Variants in PPP3CC observed in about 807,000 individuals in gnomAD.
PPP3CC encodes serine/threonine-protein phosphatase 2B catalytic subunit gamma isoform.
In PPP3CC, 35 loss-of-function variants were observed where a neutral mutation model predicts 60.3. That is an observed-to-expected ratio of 0.58 (90% CI 0.44 to 0.77). The LOEUF (loss-of-function observed/expected upper bound fraction) is 0.77, where lower values mean the gene tolerates loss of function less well. Among genes scored for constraint, PPP3CC ranks in the 30% least tolerant of loss-of-function variants. The pLI is 0.00. For missense variants in PPP3CC, 570 were observed against 628.9 expected (o/e 0.91, Z 1.00); for synonymous variants, 206 against 224.3 (o/e 0.92, Z 0.73).
chr8:22,493,631 A>T (rs1321446705), intron 3 of PPP3CC, among the ~76,000 whole-genome samples: 1 of 152,130 alleles, frequency 6.6e-6, no homozygotes, highest in Non-Finnish European at 1.5e-5. Flanking sequence ...GGTCAGGATC[A>T]TCAATATCAC....
chr8:22,528,882 A>G (rs1284001574), intron 10 of PPP3CC, among the ~76,000 whole-genome samples: 1 of 152,162 alleles, frequency 6.6e-6, no homozygotes, highest in African/African-American at 2.4e-5. Flanking sequence ...ACTAGTTTCT[A>G]ATGGATCTGT....
chr8:22,502,520 T>A (rs1838792120), intron 4 of PPP3CC, among the ~76,000 whole-genome samples: 1 of 152,072 alleles, frequency 6.6e-6, no homozygotes, highest in South Asian at 2.1e-4. Context: ...AGACTCTCTC[T>A]CTACAAAAAA....
intron 1 of PPP3CC, among the ~76,000 whole-genome samples, chr8:22,458,057 C>T (rs1443678406): frequency 6.6e-6 from 1 of 151,850 alleles, no homozygotes; most frequent in African/African-American, 2.4e-5. Context: ...TGCCATTGCA[C>T]TCCAGCCTGG....
At chr8:22,497,583 C>T (rs1838629080) in intron 3 of PPP3CC, among the ~76,000 whole-genome samples, 1 of 152,160 alleles carries the variant, frequency 6.6e-6, no homozygotes, top group African/African-American at 2.4e-5. Context: ...TTTATTTTTT[C>T]TTTACCCATT....
chr8:22,486,789 G>T (rs1165286213), intron 3 of PPP3CC, among the ~76,000 whole-genome samples: 1 of 151,240 alleles, frequency 6.6e-6, no homozygotes, highest in African/African-American at 2.4e-5. Context: ...GAGTACAGTG[G>T]CACCATCTCG....
At chr8:22,525,914 C>T (rs1839549604) in intron 8 of PPP3CC, among the ~76,000 whole-genome samples, 1 of 149,164 alleles carries the variant, frequency 6.7e-6, no homozygotes, top group African/African-American at 2.5e-5. Flanking sequence ...GTTGCCCAGG[C>T]TGGAGTGCAG....
intron 9 of PPP3CC, 67 bp downstream of exon 9, chr8:22,527,584 G>A: frequency 1.3e-6 from 2 of 1,519,870 alleles, no homozygotes; most frequent in Middle Eastern, 1.7e-4. Context: ...ATTTGCATGA[G>A]CCCCTCCATG....
rs117880026 is a variant in PPP3CC, at chr8:22,539,766, C to T, written c.1351+268C>T. Among the ~76,000 whole-genome samples the T allele has an allele frequency of 4.3e-4, 66 of 152,288 alleles. 2 individuals carry two copies. In the East Asian group the frequency reaches 0.012, roughly 28 times the overall value. On this transcript the variant is annotated intron_variant, in intron 13 of 13. Coordinates refer to ENST00000240139, the MANE Select transcript of PPP3CC (RefSeq NM_005605.5). ...AACGGCAGAAGCTTAAGCAACTGGT[C>T]ATGAGAGGTCAAGTGGTTTACTTCT... is the stretch of plus-strand genomic sequence containing the variant.
chr8:22,512,488 C>T (rs1839115810), intron 5 of PPP3CC, among the ~76,000 whole-genome samples: 1 of 152,140 alleles, frequency 6.6e-6, no homozygotes, highest in Non-Finnish European at 1.5e-5. Context: ...AATACCTCAA[C>T]TGCATAGACT....
chr8:22,502,120 T>C (rs1413496344), intron 4 of PPP3CC, among the ~76,000 whole-genome samples: 1 of 152,150 alleles, frequency 6.6e-6, no homozygotes, highest in Non-Finnish European at 1.5e-5. Context: ...GACAAAATAA[T>C]GGGAGTCTCA....
At chr8:22,495,050 G>A (rs1838525555) in intron 3 of PPP3CC, among the ~76,000 whole-genome samples, 1 of 151,922 alleles carries the variant, frequency 6.6e-6, no homozygotes, top group Non-Finnish European at 1.5e-5. Flanking sequence ...TCGCCTCAAG[G>A]GATCCTCCTG....
intron 8 of PPP3CC, among the ~76,000 whole-genome samples, chr8:22,524,459 C>A (rs574723264): frequency 1.1e-4 from 17 of 152,232 alleles, no homozygotes; most frequent in African/African-American, 4.1e-4. Context: ...TTTAACTTAG[C>A]ATTCTTCTCT....
chr8:22,518,788 G>A (rs1437495032), intron 6 of PPP3CC, among the ~76,000 whole-genome samples: 4 of 152,166 alleles, frequency 2.6e-5, no homozygotes, highest in Non-Finnish European at 5.9e-5. Context: ...CTGGGTTCAA[G>A]CAATTCTCCT....
intron 1 of PPP3CC, among the ~76,000 whole-genome samples, chr8:22,458,274 C>G (rs530347965): frequency 2.0e-5 from 3 of 151,982 alleles, no homozygotes; most frequent in Non-Finnish European, 2.9e-5. Flanking sequence ...ATCCTTCTAG[C>G]TCTTTGATAC....
chr8:22,519,475 G>C (rs1279381418), intron 6 of PPP3CC, among the ~76,000 whole-genome samples: 1 of 152,020 alleles, frequency 6.6e-6, no homozygotes, highest in Non-Finnish European at 1.5e-5. Flanking sequence ...TATTTTTGTA[G>C]TGGGGTATTT....
intron 4 of PPP3CC, 179 bp from the exon 5 acceptor site, chr8:22,510,907 A>G: frequency 1.7e-6 from 1 of 591,624 alleles, no homozygotes; most frequent in South Asian, 2.4e-5. Flanking sequence ...TTAAGAGGAG[A>G]GAGGTATTGT....
chr8:22,457,937 C>A (rs1837255399), intron 1 of PPP3CC, among the ~76,000 whole-genome samples: 1 of 151,800 alleles, frequency 6.6e-6, no homozygotes. Flanking sequence ...ACTAAAAATA[C>A]AAAATTAGCC....
chr8:22,525,903 T>C (rs932655264), intron 8 of PPP3CC, among the ~76,000 whole-genome samples: 1 of 149,810 alleles, frequency 6.7e-6, no homozygotes, highest in African/African-American at 2.5e-5. Flanking sequence ...AGTCTCACTG[T>C]GTTGCCCAGG....
At chr8:22,482,506 G>C (rs1838099142) in intron 3 of PPP3CC, among the ~76,000 whole-genome samples, 1 of 152,112 alleles carries the variant, frequency 6.6e-6, no homozygotes, top group Non-Finnish European at 1.5e-5. Context: ...CTGATGATAG[G>C]TTCTTTTGCA....
Sources: allele counts gnomAD v4.1 joint callset (sites outside exome capture counted in the v4.1 genomes callset), GRCh38; gene constraint gnomAD v4.1.1; transcripts MANE v1.5; gene names NCBI Gene and HGNC (gene_info 2026-07-23, HGNC 2026-07-21).